SPRYD4: variants seen among roughly 807,000 people sequenced by gnomAD.
The protein encoded by SPRYD4 is SPRY domain-containing protein 4.
In SPRYD4, 12 loss-of-function variants were observed where a neutral mutation model predicts 16.6. The ratio of observed to expected loss-of-function variants is 0.72; its 90% CI spans 0.46 to 1.17. The LOEUF is 1.17. Among genes scored for constraint, SPRYD4 ranks in the 50% most tolerant of loss-of-function variants. The pLI, the probability that SPRYD4 is intolerant of heterozygous loss-of-function variation, is 0.00. For missense variants in SPRYD4, 260 were observed against 260.2 expected (o/e 1.00, Z 0.00); for synonymous variants, 98 against 105.4 (o/e 0.93, Z 0.43).
rs751740951 is a variant in SPRYD4 at position 56,470,960 on chromosome 12, T to C, written c.*1383T>C. The C allele has an allele frequency of 4.4e-4, 72 of 163,580 alleles. No individual in the cohort carries two copies. Among genetic ancestry groups the C allele is most frequent in the Non-Finnish European group, 7.7e-4 (58 of 75,774 alleles). The allele number at this position is 163,580 out of a possible 1,614,324, so 10.1% of individuals were successfully genotyped here. ...ACTGGGTTTAGCAAAAATGATTTGG[T>C]AATTAAAGTTTATTTGAACACAAAA... On this transcript the variant is annotated 3_prime_UTR_variant, in exon 2 of 2. Coordinates refer to ENST00000338146, the MANE Select transcript of SPRYD4 (RefSeq NM_207344.4).
In SPRYD4 at chr12:56,469,836, C is replaced by G; in HGVS notation, c.*259C>G. ...TGTATCTTCCTTGACCTGCTTCCTT[C>G]AGTCCCTCTGCCTCCCTTTGCCCAG... On this transcript the variant is annotated 3_prime_UTR_variant, in exon 2 of 2. Transcript: ENST00000338146. 2.0e-6 allele frequency: 1 copy of G among 501,282 alleles called. No individual in the cohort carries two copies. The highest frequency in any genetic ancestry group is 2.7e-5 in the South Asian group (1 of 37,522). 31.1% of individuals were successfully genotyped at this position (501,282 alleles called of 1,614,324 possible).
rs1298789195 is a variant in SPRYD4, at chr12:56,471,828, C to T, written c.*2251C>T. On this transcript the variant is annotated 3_prime_UTR_variant, in exon 2 of 2. Transcript: ENST00000338146. ...GCCTCGATCAGGAATTTAACAACTT[C>T]GATGTGTCCTAGGAATATGGGCAGA... 8 of 1,613,822 alleles carry T rather than the reference C, an allele frequency of 5.0e-6. No homozygotes were observed. The South Asian group carries it at 7.7e-5, about 16-fold the overall frequency.
chr12:56,479,690 T>G lies in SPRYD4; in HGVS notation c.*10113T>G. On this transcript the variant is annotated 3_prime_UTR_variant, in exon 2 of 2. Transcript: ENST00000338146. ...AATAAAATAAAATGAGGAATTGAACTATACAATTCCCAAATTCCTCCCTGC... is the reference window on the plus strand; with the variant it reads ...AATAAAATAAAATGAGGAATTGAACGATACAATTCCCAAATTCCTCCCTGC... The G allele has an allele frequency of 7.1e-7, 1 of 1,398,628 alleles. No individual in the cohort carries two copies. The highest frequency in any genetic ancestry group is 9.5e-7 in the Non-Finnish European group (1 of 1,050,198). The allele number at this position is 1,398,628 out of a possible 1,614,324, so 86.6% of individuals were successfully genotyped here. A position where few individuals can be genotyped will look rare whatever the true frequency, so the allele number is the denominator to read the frequency against.
rs1460873414 is a variant in SPRYD4 at position 56,472,543 on chromosome 12, CCTT to C, written c.*2967_*2969del. On this transcript the variant is annotated 3_prime_UTR_variant, in exon 2 of 2. Transcript: ENST00000338146. ...AGTTTACTTTTTTTAAAAAAAATCT[CCTT>C]TTTTAAAAAAATTTCATTTAAATGC... 5.7e-6 allele frequency: 4 copies of C among 703,010 alleles called. No individual in the cohort carries two copies. The highest frequency in any genetic ancestry group is 5.4e-5 in the African/African-American group (3 of 55,354). 43.5% of individuals were successfully genotyped at this position (703,010 alleles called of 1,614,324 possible). A position where few individuals can be genotyped will look rare whatever the true frequency, so the allele number is the denominator to read the frequency against.
At position 56,468,797 on chromosome 12, in the gene SPRYD4, C is replaced by T. The variant is rs1474070615; in HGVS notation, c.85+121C>T. ...CTTTTCCTTCCCCACCTGCCTTGGT[C>T]TTAAGATTCCAAACCTGTGATACCA... On this transcript the variant is annotated intron_variant, in intron 1 of 1. Coordinates refer to ENST00000338146, the MANE Select transcript of SPRYD4 (RefSeq NM_207344.4). The T allele has an allele frequency of 3.4e-6, 4 of 1,172,442 alleles. No individual in the cohort carries two copies. The African/African-American group carries it at 6.2e-5, about 18-fold the overall frequency. 72.6% of individuals were successfully genotyped at this position (1,172,442 alleles called of 1,614,324 possible).
At chr12:56,468,884 G>A in intron 1 of SPRYD4, 155 bp from the exon 2 acceptor site, 1 of 1,089,178 alleles carries the variant, frequency 9.2e-7, no homozygotes, top group Non-Finnish European at 1.3e-6. Context: ...TGAGCTATCC[G>A]TAGTAAAGCG....
rs906384806 is a variant in SPRYD4, at chr12:56,472,821, C to T, written c.*3244C>T. On this transcript the variant is annotated 3_prime_UTR_variant, in exon 2 of 2. Coordinates refer to ENST00000338146, the MANE Select transcript of SPRYD4 (RefSeq NM_207344.4). The stretch of plus-strand genomic sequence containing the variant: ...ATGCCAGCTGTGCCCTGTGACCCTC[C>T]TCCATGGATGCTTAGTCCAAGGGTA... 7.0e-6 allele frequency: 9 copies of T among 1,281,918 alleles called. No homozygotes were observed. Among genetic ancestry groups the T allele is most frequent in the Non-Finnish European group, 1.0e-5 (9 of 877,952 alleles). The allele number at this position is 1,281,918 out of a possible 1,614,324, so 79.4% of individuals were successfully genotyped here.
chr12:56,469,817 T>C lies in SPRYD4; in HGVS notation c.*240T>C. 1.8e-6 allele frequency: 1 copy of C among 542,666 alleles called. No individual in the cohort carries two copies. Among genetic ancestry groups the C allele is most frequent in the South Asian group, 2.4e-5 (1 of 42,482 alleles). 33.6% of individuals were successfully genotyped at this position (542,666 alleles called of 1,614,324 possible). On this transcript the variant is annotated 3_prime_UTR_variant, in exon 2 of 2. Coordinates refer to ENST00000338146, the MANE Select transcript of SPRYD4 (RefSeq NM_207344.4). Reference sequence around the variant, plus strand: ...TTTCCTAGGCTACCATGGGTGTATCTTCCTTGACCTGCTTCCTTCAGTCCC... The same window carrying C: ...TTTCCTAGGCTACCATGGGTGTATCCTCCTTGACCTGCTTCCTTCAGTCCC...
At position 56,470,988 on chromosome 12, in the gene SPRYD4, CT is replaced by C. The variant is rs762095373; in HGVS notation, c.*1414del. 2.2e-5 allele frequency: 4 copies of C among 185,454 alleles called. No homozygotes were observed. Among genetic ancestry groups the C allele is most frequent in the African/African-American group, 4.7e-5 (2 of 42,906 alleles). The allele number at this position is 185,454 out of a possible 1,614,324, so 11.5% of individuals were successfully genotyped here. On this transcript the variant is annotated 3_prime_UTR_variant, in exon 2 of 2. Transcript: ENST00000338146. ...TTAAAGTTTATTTGAACACAAAATA[CT>C]TTCTCTGTCTATAAAATTGGCTGTT...
In SPRYD4 at chr12:56,472,954, G is replaced by A; in HGVS notation, c.*3377G>A. The A allele has an allele frequency of 1.7e-6, 1 of 591,992 alleles. No homozygotes were observed. The allele number at this position is 591,992 out of a possible 1,614,324, so 36.7% of individuals were successfully genotyped here. A position where few individuals can be genotyped will look rare whatever the true frequency, so the allele number is the denominator to read the frequency against. On this transcript the variant is annotated 3_prime_UTR_variant, in exon 2 of 2. Transcript: ENST00000338146. ...TCAGGCTGAAGTGTAGTGGCGCGCG[G>A]TCTTGGCTCACTGCAACCTCTGCCT...
Position 56,478,116 on chromosome 12 carries a change from A to G in SPRYD4, c.*8539A>G. The G allele has an allele frequency of 6.2e-7, 1 of 1,614,092 alleles. No homozygotes were observed. On this transcript the variant is annotated 3_prime_UTR_variant, in exon 2 of 2. Transcript: ENST00000338146. ...GAGTGCCTGGAGGCAGACAGATGCC[A>G]TGAAAGGGGTTGGCCTGTGTTCGGC...
In SPRYD4 at chr12:56,478,100, G is replaced by T; in HGVS notation, c.*8523G>T. On this transcript the variant is annotated 3_prime_UTR_variant, in exon 2 of 2. Transcript: ENST00000338146. ...CTTTGTGTGGCCCACAGAGTGCCTG[G>T]AGGCAGACAGATGCCATGAAAGGGG... 6.2e-7 allele frequency: 1 copy of T among 1,614,064 alleles called. No individual in the cohort carries two copies. Among genetic ancestry groups the T allele is most frequent in the Non-Finnish European group, 8.5e-7 (1 of 1,179,930 alleles).
rs370761805 is a variant in SPRYD4, at chr12:56,473,960, G to A, written c.*4383G>A. The A allele has an allele frequency of 1.6e-4, 30 of 192,982 alleles. No homozygotes were observed. Among genetic ancestry groups the A allele is most frequent in the African/African-American group, 6.8e-4 (29 of 42,526 alleles). 12.0% of individuals were successfully genotyped at this position (192,982 alleles called of 1,614,324 possible). ...GGGTGCTGTAAATAGAGGTAGAGGG[G>A]GGCCACATGAGATAGGGTGGTCAGA... On this transcript the variant is annotated 3_prime_UTR_variant, in exon 2 of 2. Transcript: ENST00000338146.
chr12:56,471,984 G>T lies in SPRYD4; in HGVS notation c.*2407G>T. 7.9e-7 allele frequency: 1 copy of T among 1,265,594 alleles called. No homozygotes were observed. Among genetic ancestry groups the T allele is most frequent in the Non-Finnish European group, 1.1e-6 (1 of 875,812 alleles). 78.4% of individuals were successfully genotyped at this position (1,265,594 alleles called of 1,614,324 possible). ...TGCAGCACTCAGTCATAGTCTAGCT[G>T]CAAACCGAAGGGTGTCTAGATAAAA... On this transcript the variant is annotated 3_prime_UTR_variant, in exon 2 of 2. Transcript: ENST00000338146.
At position 56,478,449 on chromosome 12, in the gene SPRYD4, G is replaced by T; in HGVS notation, c.*8872G>T. On this transcript the variant is annotated 3_prime_UTR_variant, in exon 2 of 2. Coordinates refer to ENST00000338146, the MANE Select transcript of SPRYD4 (RefSeq NM_207344.4). ...AAGTCCTAGAAGGCCATATCTTTGT[G>T]TATCCGCAATCCTGTAGAGATAGCA... 1.6e-6 allele frequency: 1 copy of T among 607,102 alleles called. No individual in the cohort carries two copies. The highest frequency in any genetic ancestry group is 2.9e-6 in the Non-Finnish European group (1 of 341,970). 37.6% of individuals were successfully genotyped at this position (607,102 alleles called of 1,614,324 possible).
Position 56,475,807 on chromosome 12 carries a change from T to A in SPRYD4, c.*6230T>A. On this transcript the variant is annotated 3_prime_UTR_variant, in exon 2 of 2. Coordinates refer to ENST00000338146, the MANE Select transcript of SPRYD4 (RefSeq NM_207344.4). ...GGCTTTCCTCTCTGAGGCCAGCAGATTTCCACATTTCTGGAAATAAGGCTT... is the reference window on the plus strand; with the variant it reads ...GGCTTTCCTCTCTGAGGCCAGCAGAATTCCACATTTCTGGAAATAAGGCTT... 7.1e-7 allele frequency: 1 copy of A among 1,401,526 alleles called. No homozygotes were observed. The highest frequency in any genetic ancestry group is 1.0e-6 in the Non-Finnish European group (1 of 991,644). 86.8% of individuals were successfully genotyped at this position (1,401,526 alleles called of 1,614,324 possible).
Position 56,472,808 on chromosome 12 carries a change from C to G in SPRYD4, c.*3231C>G. 6.9e-7 allele frequency: 1 copy of G among 1,443,764 alleles called. No individual in the cohort carries two copies. Among genetic ancestry groups the G allele is most frequent in the African/African-American group, 1.4e-5 (1 of 71,534 alleles). 89.4% of individuals were successfully genotyped at this position (1,443,764 alleles called of 1,614,324 possible). On this transcript the variant is annotated 3_prime_UTR_variant, in exon 2 of 2. Transcript: ENST00000338146. ...ATTGAACTCACCTATGCCAGCTGTG[C>G]CCTGTGACCCTCCTCCATGGATGCT... is the stretch of plus-strand genomic sequence containing the variant.
In SPRYD4 at chr12:56,474,723, A is replaced by G. The variant is rs769545052; in HGVS notation, c.*5146A>G. On this transcript the variant is annotated 3_prime_UTR_variant, in exon 2 of 2. Transcript: ENST00000338146. ...CAAGTGACCTCCACAGAACACAGCT[A>G]TGAAAACAAAGAATAGGTGAAGATG... The G allele has an allele frequency of 3.1e-6, 5 of 1,608,602 alleles. No homozygotes were observed. Among genetic ancestry groups the G allele is most frequent in the Non-Finnish European group, 3.4e-6 (4 of 1,176,392 alleles).
chr12:56,472,391 TCC>T lies in SPRYD4; in HGVS notation c.*2815_*2816del. 1 of 615,072 alleles carries T rather than the reference TCC, an allele frequency of 1.6e-6. No homozygotes were observed. The highest frequency in any genetic ancestry group is 2.9e-6 in the Non-Finnish European group (1 of 350,592). 38.1% of individuals were successfully genotyped at this position (615,072 alleles called of 1,614,324 possible). Reference sequence around the variant, plus strand: ...TCATATTAGAGAGATGGGAATGTGATCCTTCCAGAAATATCACTCACTGCCTA... The same window carrying T: ...TCATATTAGAGAGATGGGAATGTGATTTCCAGAAATATCACTCACTGCCTA... On this transcript the variant is annotated 3_prime_UTR_variant, in exon 2 of 2. Transcript: ENST00000338146.
Sources: gnomAD v4.1 joint callset for allele counts on GRCh38, gnomAD v4.1.1 for gene constraint, MANE v1.5 for transcripts, NCBI Gene and HGNC (gene_info 2026-07-23, HGNC 2026-07-21) for gene names.